The following STRN variants were observed in gnomAD, a reference collection of about 807,000 sequenced individuals.
STRN encodes the protein protein phosphatase 2 regulatory subunit B'''alpha.
A neutral mutation model predicts 96.3 loss-of-function variants in STRN; 53 were observed. That is an observed-to-expected ratio of 0.55 (90% CI 0.44 to 0.69). The LOEUF (loss-of-function observed/expected upper bound fraction) is 0.69, where lower values mean the gene tolerates loss of function less well. Ranked by LOEUF, STRN falls within the 30% of genes least tolerant of loss-of-function variation. The pLI is 0.00. For synonymous variants in STRN, 428 were observed against 355.9 expected (o/e 1.20, Z -2.28); for missense variants, 987 against 963.9 (o/e 1.02, Z -0.32).
rs753451796 is a variant in STRN at position 36,899,525 on chromosome 2, T to C, written c.793A>G (p.Thr265Ala). 1.4e-5 allele frequency: 23 copies of C among 1,611,910 alleles called. No homozygotes were observed. Among genetic ancestry groups the C allele is most frequent in the Non-Finnish European group, 1.9e-5 (22 of 1,179,572 alleles). The change falls in exon 6 of 18, where the codon ACA becomes GCA. Residue 265 changes from threonine (T) to alanine (A), a missense_variant and splice_region_variant. Physicochemically the swap from Thr to Ala is moderately conservative, Grantham distance 58. Transcript: ENST00000263918. Reference protein sequence around the residue: ...GREKSVIDTSTIVRKKALPDS... With the variant: ...GREKSVIDTSAIVRKKALPDS... Reference sequence around the variant, plus strand: ...ATTGTATGAGTTATCTAACTCACTGTTGAAGTATCAATGACGCTTTTCTCT... The same window carrying C: ...ATTGTATGAGTTATCTAACTCACTGCTGAAGTATCAATGACGCTTTTCTCT...
intron 10 of STRN, among the ~76,000 whole-genome samples, chr2:36,872,133 TTA>T (rs1282898976): frequency 6.6e-6 from 1 of 152,188 alleles, no homozygotes; most frequent in African/African-American, 2.4e-5. Context: ...TAGGTAAACC[TTA>T]TATAGTTTCC....
At chr2:36,882,340 A>T (rs1259954736) in intron 9 of STRN, among the ~76,000 whole-genome samples, 1 of 152,232 alleles carries the variant, frequency 6.6e-6, no homozygotes, top group Non-Finnish European at 1.5e-5. Flanking sequence ...AATCATAATT[A>T]CTTTTATGTC....
chr2:36,961,976 C>T (rs146734972), intron 1 of STRN, among the ~76,000 whole-genome samples: 76 of 152,268 alleles, frequency 5.0e-4, no homozygotes, highest in Admixed American at 4.6e-4. Context: ...GGTCTTAGCT[C>T]GAATGGCATC....
In STRN at chr2:36,966,532, G is replaced by T. The variant is rs970068289; in HGVS notation, c.-69C>A. Reference sequence around the variant, plus strand: ...GGAGGCAACAGCGGCGGCAAGCAGCGCCTCCTCCTCCCTCCGCCGCTCCCG... The same window carrying T: ...GGAGGCAACAGCGGCGGCAAGCAGCTCCTCCTCCTCCCTCCGCCGCTCCCG... On this transcript the variant is annotated 5_prime_UTR_variant, in exon 1 of 18. Coordinates refer to ENST00000263918, the MANE Select transcript of STRN (RefSeq NM_003162.4). 16 of 1,353,566 alleles carry T rather than the reference G, an allele frequency of 1.2e-5. No individual in the cohort carries two copies. The African/African-American group carries it at 1.8e-4, about 16-fold the overall frequency. 83.8% of individuals were successfully genotyped at this position (1,353,566 alleles called of 1,614,324 possible).
intron 1 of STRN, among the ~76,000 whole-genome samples, chr2:36,934,694 C>T (rs145439908): frequency 1.2e-3 from 185 of 152,298 alleles, no homozygotes; most frequent in African/African-American, 4.2e-3. Flanking sequence ...CTCTTCCCAA[C>T]GGAAGAAGGC....
intron 1 of STRN, among the ~76,000 whole-genome samples, chr2:36,943,290 T>C (rs895588729): frequency 2.0e-5 from 3 of 151,998 alleles, no homozygotes; most frequent in Non-Finnish European, 2.9e-5. Context: ...AACTGCTGAA[T>C]TCCCTTCTCA....
intron 9 of STRN, among the ~76,000 whole-genome samples, chr2:36,881,400 T>G (rs1669065886): frequency 6.6e-6 from 1 of 152,160 alleles, no homozygotes; most frequent in Non-Finnish European, 1.5e-5. Flanking sequence ...AGTGCTGGGA[T>G]TACAGGCGTG....
intron 1 of STRN, among the ~76,000 whole-genome samples, chr2:36,942,650 G>C (rs1558663128): frequency 6.6e-6 from 1 of 152,132 alleles, no homozygotes; most frequent in Non-Finnish European, 1.5e-5. Context: ...AGGTATGAGG[G>C]TAAAGTTCTA....
chr2:36,879,060 T>C (rs2148166374), intron 9 of STRN, among the ~76,000 whole-genome samples: 1 of 150,264 alleles, frequency 6.7e-6, no homozygotes, highest in East Asian at 2.0e-4. Context: ...GTAAAGAAAA[T>C]GTTTTGTTTA....
chr2:36,966,296 C>G lies in STRN; in HGVS notation c.168G>C (p.Leu56=), dbSNP rs1428959532. 14 of 1,576,334 alleles carry G rather than the reference C, an allele frequency of 8.9e-6. No homozygotes were observed. Among genetic ancestry groups the G allele is most frequent in the Non-Finnish European group, 1.2e-5 (14 of 1,163,874 alleles). Residue 56 remains leucine, a synonymous_variant, in exon 1 of 18, where the codon CTG becomes CTC. Transcript: ENST00000263918. ...QYSLPGILHF[L]QHEWARFEVE... is the part of the protein sequence containing the mutation. ...CCTCGAAGCGGGCCCACTCGTGCTG[C>G]AGGAAGTGCAGGATCCCCGGGAGAC...
rs973506723 is a variant in STRN, at chr2:36,838,761, T to C, written c.*10695A>G. Among the ~76,000 whole-genome samples, 2 of 152,116 alleles carry C rather than the reference T, an allele frequency of 1.3e-5. No homozygotes were observed. The highest frequency in any genetic ancestry group is 2.9e-5 in the Non-Finnish European group (2 of 68,014). On this transcript the variant is annotated 3_prime_UTR_variant, in exon 18 of 18. Coordinates refer to ENST00000263918, the MANE Select transcript of STRN (RefSeq NM_003162.4). ...CGTAAAACCATCATGGTGACAAACA[T>C]ATACACAGGAATGTTTATTGTAATA...
At position 36,838,976 on chromosome 2, in the gene STRN, T is replaced by G. The variant is rs1236345034; in HGVS notation, c.*10480A>C. Among the ~76,000 whole-genome samples the G allele has an allele frequency of 6.6e-5, 10 of 152,200 alleles. No homozygotes were observed. The highest frequency in any genetic ancestry group is 1.3e-4 in the Non-Finnish European group (9 of 68,038). ...AATTTGAGAGACCTTTAAAAATTTG[T>G]AAGGTGCTCATGATACACATTATAT... On this transcript the variant is annotated 3_prime_UTR_variant, in exon 18 of 18. Coordinates refer to ENST00000263918, the MANE Select transcript of STRN (RefSeq NM_003162.4).
At chr2:36,881,310 T>G (rs966724959) in intron 9 of STRN, among the ~76,000 whole-genome samples, 1 of 152,098 alleles carries the variant, frequency 6.6e-6, no homozygotes, top group Non-Finnish European at 1.5e-5. Context: ...GTATTTTTAT[T>G]TGAGACAGGG....
rs548893424 is a variant in STRN at position 36,899,631 on chromosome 2, G to A, written c.687C>T (p.Ser229=). Reference sequence around the variant, plus strand: ...CAAGGAATTTGAAATTATCCAGCACGGAGGCAGAATCTGTTAACTCAGATT... The same window carrying A: ...CAAGGAATTTGAAATTATCCAGCACAGAGGCAGAATCTGTTAACTCAGATT... ...IAKSELTDSA[S]VLDNFKFLES... Residue 229 remains serine, a synonymous_variant, in exon 6 of 18, where the codon TCC becomes TCT. Transcript: ENST00000263918. The A allele has an allele frequency of 6.2e-6, 10 of 1,611,670 alleles. No homozygotes were observed. The highest frequency in any genetic ancestry group is 5.0e-5 in the Admixed American group (3 of 59,572).
intron 1 of STRN, among the ~76,000 whole-genome samples, chr2:36,930,881 A>C (rs1426617869): frequency 6.6e-6 from 1 of 151,768 alleles, no homozygotes; most frequent in Non-Finnish European, 1.5e-5. Context: ...TAAAAATATA[A>C]AAAAATTAGC....
At chr2:36,948,277 C>G (rs1352383694) in intron 1 of STRN, among the ~76,000 whole-genome samples, 16 of 151,268 alleles carry the variant, frequency 1.1e-4, no homozygotes, top group Admixed American at 1.1e-3. Context: ...AATTTTTGTA[C>G]TTTAGTAGAG....
rs1344119472 is a variant in STRN at position 36,846,526 on chromosome 2, T to A, written c.*2930A>T. ...TTTCAAATAAATCTTCATCATTATCTCCAAAAGAAATTTATAGCAAGAATA... is the reference window on the plus strand; with the variant it reads ...TTTCAAATAAATCTTCATCATTATCACCAAAAGAAATTTATAGCAAGAATA... On this transcript the variant is annotated 3_prime_UTR_variant, in exon 18 of 18. Transcript: ENST00000263918. The A allele has an allele frequency of 6.8e-6, 1 of 147,018 alleles. No individual in the cohort carries two copies. Among genetic ancestry groups the A allele is most frequent in the Non-Finnish European group, 1.5e-5 (1 of 67,174 alleles). The allele number at this position is 147,018 out of a possible 1,614,324, so 9.1% of individuals were successfully genotyped here.
chr2:36,844,150 GTATTAGATCA>G lies in STRN; in HGVS notation c.*5296_*5305del, dbSNP rs1261266122. 3 of 152,104 alleles carry G rather than the reference GTATTAGATCA, an allele frequency of 2.0e-5. No individual in the cohort carries two copies. The highest frequency in any genetic ancestry group is 7.2e-5 in the African/African-American group (3 of 41,424). The allele number at this position is 152,104 out of a possible 1,614,324, so 9.4% of individuals were successfully genotyped here. On this transcript the variant is annotated 3_prime_UTR_variant, in exon 18 of 18. Transcript: ENST00000263918. ...AAAGAAGTGGTTCCTCCTAAAAAAGGTATTAGATCATAGAGTTGGGATTAGGGTAGGGGAT... is the reference window on the plus strand; with the variant it reads ...AAAGAAGTGGTTCCTCCTAAAAAAGGTAGAGTTGGGATTAGGGTAGGGGAT...
intron 8 of STRN, among the ~76,000 whole-genome samples, chr2:36,886,463 A>G (rs1458921459): frequency 6.6e-6 from 1 of 152,108 alleles, no homozygotes; most frequent in Admixed American, 6.5e-5. Context: ...ATAGCCCAAC[A>G]CTCATGAGGC....
Sources: gnomAD v4.1 joint callset for allele counts (sites outside exome capture counted in the v4.1 genomes callset) on GRCh38, gnomAD v4.1.1 for gene constraint, MANE v1.5 for transcripts, NCBI Gene and HGNC (gene_info 2026-07-23, HGNC 2026-07-21) for gene names.